MYO9A: variants seen among roughly 807,000 people sequenced by gnomAD.
The protein encoded by MYO9A is unconventional myosin-IXa.
A neutral mutation model predicts 293.3 loss-of-function variants in MYO9A; 103 were observed. That is an observed-to-expected ratio of 0.35 (90% CI 0.30 to 0.41). The LOEUF (loss-of-function observed/expected upper bound fraction) is 0.41, where lower values mean the gene tolerates loss of function less well. Ranked by LOEUF, MYO9A falls within the 10% of genes least tolerant of loss-of-function variation. The probability of loss-of-function intolerance (pLI) is 1.00; values close to 1 mark genes in which losing one functional copy is unlikely to be tolerated. For synonymous variants in MYO9A, 1,001 were observed against 1,035.7 expected, an observed-to-expected ratio of 0.97 and a Z score of 0.64; for missense variants, 2,685 against 3,033.0, an observed-to-expected ratio of 0.89 and a Z score of 2.69.
chr15:72,077,755 ATATATAT>A (rs2079415308), intron 1 of MYO9A, among the ~76,000 whole-genome samples: 280 of 25,022 alleles, frequency 0.011, 1 homozygote, highest in Non-Finnish European at 0.019. Flanking sequence ...AAAAAAAAAT[ATATATAT>A]ATATATATAT....
At chr15:72,002,933 G>A (rs746651675) in intron 8 of MYO9A, among the ~76,000 whole-genome samples, 1 of 152,158 alleles carries the variant, frequency 6.6e-6, no homozygotes, top group Non-Finnish European at 1.5e-5. Context: ...TATGTAACAA[G>A]TAAAATGTTA....
Position 71,898,223 on chromosome 15 carries a change from T to C in MYO9A, c.4280A>G (p.Asp1427Gly). The part of the protein sequence containing the change: ...LPTFFYIPQQ[D>G]PLKTNSQLDT... Reference sequence around the variant, plus strand: ...TAGTTGGGAATTTGTTTTCAGTGGGTCTTGTTGGGGGATATAAAAAAAAGT... The same window carrying C: ...TAGTTGGGAATTTGTTTTCAGTGGGCCTTGTTGGGGGATATAAAAAAAAGT... The change falls in exon 25 of 42, where the codon GAC (aspartate) becomes GGC (glycine). Residue 1427 changes from aspartate (D) to glycine (G), a missense_variant. Around this residue, in one of 10 missense-constraint regions of MYO9A, gnomAD observed 1,434 missense variants for 1,497.7 expected, o/e 0.96. Coordinates refer to ENST00000356056, the MANE Select transcript of MYO9A (RefSeq NM_006901.4). 1 of 1,614,098 alleles carries C rather than the reference T, an allele frequency of 6.2e-7. No individual in the cohort carries two copies. Among genetic ancestry groups the C allele is most frequent in the African/African-American group, 1.3e-5 (1 of 75,028 alleles).
At chr15:72,064,917 A>G (rs544413377) in intron 1 of MYO9A, among the ~76,000 whole-genome samples, 1 of 152,218 alleles carries the variant, frequency 6.6e-6, no homozygotes, top group Non-Finnish European at 1.5e-5. Flanking sequence ...ATCTTAAAGA[A>G]TAACAAAGTT....
chr15:72,092,095 CAG>C (rs1462727361), intron 1 of MYO9A, among the ~76,000 whole-genome samples: 1 of 152,132 alleles, frequency 6.6e-6, no homozygotes, highest in Non-Finnish European at 1.5e-5. Flanking sequence ...GGCAGGAATT[CAG>C]AGAGATAAGC....
At chr15:71,984,148 T>C (rs2076349742) in intron 11 of MYO9A, among the ~76,000 whole-genome samples, 1 of 152,244 alleles carries the variant, frequency 6.6e-6, no homozygotes, top group African/African-American at 2.4e-5. Flanking sequence ...TTCAACATTT[T>C]TACTATAAAA....
intron 9 of MYO9A, 58 bp downstream of exon 9, chr15:71,999,793 A>C (rs2076812298): frequency 4.9e-6 from 7 of 1,437,858 alleles, no homozygotes; most frequent in Non-Finnish European, 6.7e-6. Flanking sequence ...CCCAAACTTC[A>C]AACCTAAACT....
chr15:72,045,271 T>A, intron 2 of MYO9A: 1 of 152,742 alleles, frequency 6.5e-6, no homozygotes, highest in East Asian at 1.9e-4. Context: ...AGACAATTTT[T>A]TTTTTTTTTG....
chr15:71,986,643 T>C (rs1350293608), intron 11 of MYO9A, among the ~76,000 whole-genome samples: 1 of 152,204 alleles, frequency 6.6e-6, no homozygotes, highest in Non-Finnish European at 1.5e-5. Flanking sequence ...TCTTTGCTTT[T>C]AACAAAAAAG....
intron 1 of MYO9A, among the ~76,000 whole-genome samples, chr15:72,115,814 AT>A (rs1459101957): frequency 6.6e-6 from 1 of 152,190 alleles, no homozygotes; most frequent in East Asian, 1.9e-4. Flanking sequence ...ATCATCAGGA[AT>A]TTTTTTCAAC....
At position 71,825,286 on chromosome 15, in the gene MYO9A, T is replaced by A. The variant is rs2054431795; in HGVS notation, c.*1294A>T. ...GAATGGCTCTCATCCCCCTGTCCAG[T>A]GGCCCCTCATCTGTGGGAAGAAATT... On this transcript the variant is annotated 3_prime_UTR_variant, in exon 42 of 42. Coordinates refer to ENST00000356056, the MANE Select transcript of MYO9A (RefSeq NM_006901.4). 2.0e-5 allele frequency: 3 copies of A among 152,196 alleles called. No homozygotes were observed. Among genetic ancestry groups the A allele is most frequent in the South Asian group, 4.1e-4 (2 of 4,832 alleles). 9.4% of individuals were successfully genotyped at this position (152,196 alleles called of 1,614,324 possible). A position where few individuals can be genotyped will look rare whatever the true frequency, so the allele number is the denominator to read the frequency against.
chr15:72,047,791 T>TTTTTTC (rs2078433031), intron 1 of MYO9A, among the ~76,000 whole-genome samples: 1 of 143,360 alleles, frequency 7.0e-6, no homozygotes, highest in South Asian at 2.3e-4. Context: ...TTTTTTTTTT[T>TTTTTTC]TTTTGAGACA....
rs1201430040 is a variant in MYO9A, at chr15:71,824,737, T to TATCA, written c.*1839_*1842dup. ...TAAAGCATAACATTTGCTCATTAACTATCATTATTCTGGAGATTTTAATGG... is the reference window on the plus strand; with the variant it reads ...TAAAGCATAACATTTGCTCATTAACTATCAATCATTATTCTGGAGATTTTAATGG... On this transcript the variant is annotated 3_prime_UTR_variant, in exon 42 of 42. Transcript: ENST00000356056. 1.6e-4 allele frequency: 24 copies of TATCA among 152,240 alleles called. No homozygotes were observed. Among genetic ancestry groups the TATCA allele is most frequent in the African/African-American group, 5.5e-4 (23 of 41,458 alleles). The allele number at this position is 152,240 out of a possible 1,614,324, so 9.4% of individuals were successfully genotyped here. A position where few individuals can be genotyped will look rare whatever the true frequency, so the allele number is the denominator to read the frequency against.
chr15:71,933,734 A>G, intron 17 of MYO9A, 25 bp from the exon 18 acceptor site: 1 of 1,583,250 alleles, frequency 6.3e-7, no homozygotes, highest in Non-Finnish European at 8.6e-7. Flanking sequence ...CATTCATTAA[A>G]AAAAGCTACT....
intron 11 of MYO9A, among the ~76,000 whole-genome samples, chr15:71,987,407 C>T (rs1455085463): frequency 3.3e-5 from 5 of 152,182 alleles, no homozygotes; most frequent in Non-Finnish European, 5.9e-5. Context: ...ATCTTCCCTG[C>T]ATGACATATA....
chr15:71,894,687 A>G (rs2057274396), intron 25 of MYO9A, among the ~76,000 whole-genome samples: 1 of 152,250 alleles, frequency 6.6e-6, no homozygotes, highest in African/African-American at 2.4e-5. Flanking sequence ...CAGACAATAC[A>G]GGTGTTACAG....
intron 1 of MYO9A, among the ~76,000 whole-genome samples, chr15:72,075,780 AAAT>A (rs928965093): frequency 6.6e-6 from 1 of 151,772 alleles, no homozygotes; most frequent in Non-Finnish European, 1.5e-5. Flanking sequence ...TTTATAATAA[AAAT>A]AATAATAAAG....
At chr15:71,946,024 C>G (rs948712740) in intron 15 of MYO9A, among the ~76,000 whole-genome samples, 5 of 152,146 alleles carry the variant, frequency 3.3e-5, no homozygotes, top group African/African-American at 9.7e-5. Flanking sequence ...CATGGTCAAG[C>G]CAACCTTTCT....
chr15:71,966,268 G>GTGTGTGTGTGTA (rs1282253596), intron 13 of MYO9A, among the ~76,000 whole-genome samples: 2 of 120,500 alleles, frequency 1.7e-5, no homozygotes, highest in African/African-American at 6.0e-5. Flanking sequence ...CCAGGCAAGT[G>GTGTGTGTGTGTA]TGTGTGTGTG....
intron 10 of MYO9A, 43 bp downstream of exon 10, chr15:71,994,426 T>C (rs529304190): frequency 7.9e-7 from 1 of 1,259,528 alleles, no homozygotes; most frequent in Non-Finnish European, 1.1e-6. Flanking sequence ...TTTATTAAAA[T>C]AGCTTTCAGG....
Sources: gnomAD v4.1 joint callset for allele counts (sites outside exome capture counted in the v4.1 genomes callset) on GRCh38, gnomAD v4.1.1 for gene constraint, gnomAD v4.1.1 regional missense constraint, MANE v1.5 for transcripts, NCBI Gene and HGNC (gene_info 2026-07-23, HGNC 2026-07-21) for gene names.